The following MICOS10 variants were observed in gnomAD, a reference collection of about 807,000 sequenced individuals.
MICOS10 encodes the protein MICOS complex subunit MIC10.
Under a neutral mutation model 13.4 loss-of-function variants are expected in MICOS10, and 5 were observed. The ratio of observed to expected loss-of-function variants is 0.37; its 90% CI spans 0.20 to 0.78. The LOEUF (loss-of-function observed/expected upper bound fraction) is 0.78, where lower values mean the gene tolerates loss of function less well. MICOS10 is among the 30% of genes least tolerant of loss of function. The pLI is 0.47. For synonymous variants in MICOS10, 35 were observed against 33.6 expected (o/e 1.04, Z -0.15); for missense variants, 101 against 94.6 (o/e 1.07, Z -0.28).
At chr1:19,612,927 G>A (rs916027891) in intron 1 of MICOS10, among the ~76,000 whole-genome samples, 14 of 152,176 alleles carry the variant, frequency 9.2e-5, no homozygotes, top group African/African-American at 2.4e-4. Context: ...ATCTTTGTCC[G>A]TGAGGCTTTT....
intron 1 of MICOS10, among the ~76,000 whole-genome samples, chr1:19,612,005 ATTT>A: frequency 6.9e-6 from 1 of 144,614 alleles, no homozygotes; most frequent in Non-Finnish European, 1.5e-5. Flanking sequence ...TTCTTCACTC[ATTT>A]TATGAAAGCT....
intron 1 of MICOS10, among the ~76,000 whole-genome samples, chr1:19,601,804 G>A (rs1225160586): frequency 6.6e-6 from 1 of 152,056 alleles, no homozygotes; most frequent in Non-Finnish European, 1.5e-5. Context: ...TGGGCACAGT[G>A]GGCCCTTACT....
At chr1:19,611,039 C>T (rs1246120706) in intron 1 of MICOS10, among the ~76,000 whole-genome samples, 1 of 151,928 alleles carries the variant, frequency 6.6e-6, no homozygotes, top group Non-Finnish European at 1.5e-5. Context: ...GCCACCTCCA[C>T]CTCCCGGGTT....
chr1:19,601,936 C>T (rs1203211468), intron 1 of MICOS10, among the ~76,000 whole-genome samples: 1 of 152,232 alleles, frequency 6.6e-6, no homozygotes, highest in African/African-American at 2.4e-5. Context: ...ACTGCCACTA[C>T]ATACATTGCC....
intron 1 of MICOS10, among the ~76,000 whole-genome samples, chr1:19,611,303 A>G (rs1020245779): frequency 1.3e-5 from 2 of 152,134 alleles, no homozygotes; most frequent in African/African-American, 4.8e-5. Context: ...GTGAGAAACC[A>G]TGAGCTTGTT....
In MICOS10 at chr1:19,627,520, G is replaced by T. The variant is rs880554; in HGVS notation, c.*1119G>T. 33,215 of 152,162 alleles carry T rather than the reference G, an allele frequency of 0.22. 4,355 individuals carry two copies. The highest frequency in any genetic ancestry group is 0.52 in the East Asian group (2,694 of 5,168). 9.4% of individuals were successfully genotyped at this position (152,162 alleles called of 1,614,324 possible). On this transcript the variant is annotated 3_prime_UTR_variant, in exon 4 of 4. Coordinates refer to ENST00000322753, the MANE Select transcript of MICOS10 (RefSeq NM_001032363.4). ...AAGAAGTGTTTTAATGGAGAAGAGA[G>T]GTGTAGGCAAAGTACACTGAGAACA...
chr1:19,622,269 G>A, intron 2 of MICOS10, 122 bp downstream of exon 2: 1 of 641,704 alleles, frequency 1.6e-6, no homozygotes, highest in South Asian at 2.2e-5. Flanking sequence ...CCATTTATGG[G>A]GTTAGGTAGC....
At chr1:19,613,148 A>G (rs1023693703) in intron 1 of MICOS10, among the ~76,000 whole-genome samples, 3 of 152,194 alleles carry the variant, frequency 2.0e-5, no homozygotes, top group East Asian at 1.9e-4. Context: ...AGGTGGTAAC[A>G]TTACCAGTCA....
chr1:19,610,446 G>A (rs1436978192), intron 1 of MICOS10, among the ~76,000 whole-genome samples: 3 of 127,774 alleles, frequency 2.3e-5, no homozygotes, highest in Non-Finnish European at 4.7e-5. Flanking sequence ...TGACACAATC[G>A]TGGCTCACTG....
At chr1:19,625,578 T>A in intron 3 of MICOS10, 1 of 1,289,434 alleles carries the variant, frequency 7.8e-7, no homozygotes, top group Non-Finnish European at 1.0e-6. Context: ...CTCGCTTTCC[T>A]GGCATCAGAG....
chr1:19,617,501 C>T (rs1048552958), intron 1 of MICOS10, among the ~76,000 whole-genome samples: 9 of 152,158 alleles, frequency 5.9e-5, no homozygotes, highest in Non-Finnish European at 1.2e-4. Context: ...CATGTGGACA[C>T]CTGGGACAAT....
chr1:19,607,468 C>A (rs2094839612), intron 1 of MICOS10, among the ~76,000 whole-genome samples: 1 of 152,070 alleles, frequency 6.6e-6, no homozygotes, highest in South Asian at 2.1e-4. Context: ...TTATAAAAGT[C>A]ATTTGGTGTA....
chr1:19,599,570 G>A (rs923209154), intron 1 of MICOS10, among the ~76,000 whole-genome samples: 2 of 152,168 alleles, frequency 1.3e-5, no homozygotes, highest in African/African-American at 4.8e-5. Flanking sequence ...GTGACTGAAG[G>A]GATGGGCTGA....
chr1:19,598,828 C>T (rs2094802876), intron 1 of MICOS10, among the ~76,000 whole-genome samples: 2 of 152,034 alleles, frequency 1.3e-5, no homozygotes, highest in African/African-American at 4.8e-5. Flanking sequence ...TAGCACAGTG[C>T]CTGGTGCTTT....
intron 1 of MICOS10, among the ~76,000 whole-genome samples, chr1:19,605,173 G>C (rs1274114345): frequency 1.3e-5 from 2 of 152,122 alleles, no homozygotes; most frequent in African/African-American, 4.8e-5. Context: ...TTTATCCTTT[G>C]GGGTTAAAGG....
intron 1 of MICOS10, among the ~76,000 whole-genome samples, chr1:19,599,095 A>G (rs2094804157): frequency 6.6e-6 from 1 of 151,908 alleles, no homozygotes; most frequent in African/African-American, 2.4e-5. Flanking sequence ...TCGCTCTGTC[A>G]CCCAGGCTGG....
At chr1:19,616,049 G>A (rs530208244) in intron 1 of MICOS10, among the ~76,000 whole-genome samples, 8 of 152,218 alleles carry the variant, frequency 5.3e-5, no homozygotes, top group African/African-American at 1.9e-4. Context: ...CTCCCGAGTA[G>A]CTGGGACTAC....
intron 1 of MICOS10, among the ~76,000 whole-genome samples, chr1:19,609,967 C>T (rs1333580979): frequency 6.6e-6 from 1 of 152,078 alleles, no homozygotes; most frequent in African/African-American, 2.4e-5. Context: ...CATGGGGAAA[C>T]CCCGTCTCTA....
chr1:19,621,017 G>T (rs2094901402), intron 1 of MICOS10, among the ~76,000 whole-genome samples: 1 of 152,166 alleles, frequency 6.6e-6, no homozygotes, highest in African/African-American at 2.4e-5. Context: ...CCATTCCGTT[G>T]CCTGGTTTGG....
Sources: gnomAD v4.1 joint callset for allele counts (sites outside exome capture counted in the v4.1 genomes callset) on GRCh38, gnomAD v4.1.1 for gene constraint, MANE v1.5 for transcripts, NCBI Gene and HGNC (gene_info 2026-07-23, HGNC 2026-07-21) for gene names.